Variants in NAV1 observed in about 807,000 individuals in gnomAD.
NAV1 encodes the protein neuron navigator 1, also known as pore membrane and/or filament interacting like protein 3.
In NAV1, 18 loss-of-function variants were observed where a neutral mutation model predicts 175.2. The observed-to-expected ratio is 0.10, with a 90% CI of 0.07 to 0.15. The LOEUF is 0.15. Ranked by LOEUF, NAV1 falls within the 10% of genes least tolerant of loss-of-function variation. NAV1 has a pLI of 1.00. For missense variants in NAV1, 1,731 were observed against 2,436.6 expected (o/e 0.71, Z 6.10); for synonymous variants, 897 against 978.7 (o/e 0.92, Z 1.56).
intron 1 of NAV1, among the ~76,000 whole-genome samples, chr1:201,667,991 G>A (rs986563204): frequency 9.9e-5 from 15 of 152,212 alleles, no homozygotes; most frequent in African/African-American, 1.9e-4. Context: ...CATGGCCATA[G>A]GCCCCAGGAA....
At chr1:201,730,511 C>G (rs1672809155) in intron 3 of NAV1, among the ~76,000 whole-genome samples, 1 of 152,196 alleles carries the variant, frequency 6.6e-6, no homozygotes, top group Non-Finnish European at 1.5e-5. Flanking sequence ...AGGCCTTCCA[C>G]TGGAGTAGGA....
upstream of NAV1, among the ~76,000 whole-genome samples, chr1:201,618,414 A>T (rs1391300827): frequency 6.6e-6 from 1 of 152,158 alleles, no homozygotes; most frequent in Non-Finnish European, 1.5e-5. Flanking sequence ...TGTTGGGAGA[A>T]TAAGAGAAGG....
At chr1:201,687,944 T>C (rs1046852166) in intron 1 of NAV1, among the ~76,000 whole-genome samples, 2 of 152,268 alleles carry the variant, frequency 1.3e-5, no homozygotes, top group Non-Finnish European at 2.9e-5. Flanking sequence ...CGCCTGATTC[T>C]GCTGTATGTA....
intron 1 of NAV1, among the ~76,000 whole-genome samples, chr1:201,571,015 C>T (rs1051106452): frequency 6.6e-6 from 1 of 152,238 alleles, no homozygotes; most frequent in Non-Finnish European, 1.5e-5. Flanking sequence ...CTGCCAGGGT[C>T]GAGGTGTCCT....
At chr1:201,583,269 G>A (rs561930355) in intron 1 of NAV1, among the ~76,000 whole-genome samples, 5 of 152,386 alleles carry the variant, frequency 3.3e-5, no homozygotes, top group African/African-American at 9.6e-5. Context: ...TGTGCTTGTC[G>A]GAGAGGAGAC....
At chr1:201,775,593 A>C (rs1192968295) in intron 3 of NAV1, among the ~76,000 whole-genome samples, 3 of 152,220 alleles carry the variant, frequency 2.0e-5, no homozygotes, top group African/African-American at 7.2e-5. Flanking sequence ...TCCCGCCAGT[A>C]CAAACAGAAC....
At chr1:201,680,283 G>A (rs1571880369) in intron 1 of NAV1, among the ~76,000 whole-genome samples, 2 of 152,164 alleles carry the variant, frequency 1.3e-5, no homozygotes, top group South Asian at 4.1e-4. Flanking sequence ...GCCGAGGTGG[G>A]CGGATCACCT....
At chr1:201,543,163 T>G (rs912008848) in intron 1 of NAV1, among the ~76,000 whole-genome samples, 1 of 152,236 alleles carries the variant, frequency 6.6e-6, no homozygotes, top group Non-Finnish European at 1.5e-5. Flanking sequence ...CAGTATAATG[T>G]TGAGTGGCAG....
At position 201,547,073 on chromosome 1, in the gene NAV1, G is replaced by A. The variant is rs111243611; in HGVS notation, c.-144+7731G>A. On this transcript the variant is annotated intron_variant, in intron 1 of 33. Transcript: ENST00000685211. ...ACGATCTCAGCTCACCGTAACCTCCGTCTCCCGGGTTCAAGCGATTCTCCA... is the reference window on the plus strand; with the variant it reads ...ACGATCTCAGCTCACCGTAACCTCCATCTCCCGGGTTCAAGCGATTCTCCA... 8.2e-3 allele frequency among the ~76,000 whole-genome samples: 1,229 copies of A among 149,936 alleles called. 20 individuals carry two copies. The highest frequency in any genetic ancestry group is 0.028 in the African/African-American group (1,135 of 40,676).
At chr1:201,804,024 T>C (rs780535313) in intron 16 of NAV1, 28 of 508,726 alleles carry the variant, frequency 5.5e-5, no homozygotes, top group African/African-American at 5.2e-4. Flanking sequence ...AAACATCTTA[T>C]CAGTTCTGTC....
chr1:201,563,908 A>G (rs1666277769), intron 1 of NAV1, among the ~76,000 whole-genome samples: 1 of 152,136 alleles, frequency 6.6e-6, no homozygotes, highest in Admixed American at 6.5e-5. Flanking sequence ...CAGCCTGGGC[A>G]ACATAGCAAG....
chr1:201,656,695 G>A (rs478472), intron 1 of NAV1, among the ~76,000 whole-genome samples: 14,059 of 152,276 alleles, frequency 0.092, 726 homozygotes, highest in African/African-American at 0.14. Flanking sequence ...ATCAGTGCAT[G>A]TAAACAAACT....
At chr1:201,661,536 T>C (rs956387256) in intron 1 of NAV1, among the ~76,000 whole-genome samples, 1 of 152,194 alleles carries the variant, frequency 6.6e-6, no homozygotes, top group Admixed American at 6.5e-5. Flanking sequence ...TTTGTCTGCC[T>C]CTTTTTGACT....
At chr1:201,549,179 T>C (rs1386454215) in intron 1 of NAV1, among the ~76,000 whole-genome samples, 2 of 151,518 alleles carry the variant, frequency 1.3e-5, no homozygotes, top group East Asian at 3.9e-4. Flanking sequence ...TTCCTTCTTT[T>C]CTTTCCTTCC....
intron 2 of NAV1, among the ~76,000 whole-genome samples, chr1:201,642,560 C>CTT (rs1491393436): frequency 0.15 from 4,923 of 32,552 alleles, 216 homozygotes; most frequent in Non-Finnish European, 0.18. Flanking sequence ...TTTCTTTTTT[C>CTT]CCTTTCTTCC....
chr1:201,783,630 A>T, exon 7 of NAV1: 1 of 1,614,168 alleles, frequency 6.2e-7, no homozygotes, highest in Non-Finnish European at 8.5e-7. Context: ...CAGGGCCTGG[A>T]GCTAATGAGT....
At chr1:201,627,063 G>A (rs1009888297) in intron 1 of NAV1, among the ~76,000 whole-genome samples, 3 of 152,156 alleles carry the variant, frequency 2.0e-5, no homozygotes, top group Non-Finnish European at 2.9e-5. Flanking sequence ...AGCAACAATC[G>A]TGACTGTAAC....
chr1:201,796,938 T>G (rs1423146483), intron 15 of NAV1: 1 of 152,246 alleles, frequency 6.6e-6, no homozygotes, highest in African/African-American at 2.4e-5. Context: ...TTGTATGGGT[T>G]GCTGTTTTGC....
intron 1 of NAV1, among the ~76,000 whole-genome samples, chr1:201,541,766 C>T (rs1055417636): frequency 2.0e-5 from 3 of 152,136 alleles, no homozygotes; most frequent in Non-Finnish European, 4.4e-5. Context: ...AAGAGTGAAA[C>T]TCCATCTTTT....
Sources: gnomAD v4.1 joint callset for allele counts (sites outside exome capture counted in the v4.1 genomes callset) on GRCh38, gnomAD v4.1.1 for gene constraint, MANE v1.5 for transcripts, NCBI Gene and HGNC (gene_info 2026-07-23, HGNC 2026-07-21) for gene names.